Variants in PARD3 observed in about 807,000 individuals in gnomAD.
PARD3 encodes the protein par-3 family cell polarity regulator.
A neutral mutation model predicts 155.4 loss-of-function variants in PARD3; 75 were observed. The observed-to-expected ratio is 0.48, with a 90% CI of 0.40 to 0.58. The LOEUF is 0.58. Among genes scored for constraint, PARD3 ranks in the 20% least tolerant of loss-of-function variants. The pLI is 0.00. For missense variants in PARD3, 1,642 were observed against 1,721.7 expected (o/e 0.95, Z 0.82); for synonymous variants, 576 against 610.5 (o/e 0.94, Z 0.83).
At chr10:34,201,398 T>C (rs1951202517) in intron 22 of PARD3, among the ~76,000 whole-genome samples, 1 of 152,216 alleles carries the variant, frequency 6.6e-6, no homozygotes, top group South Asian at 2.1e-4. Flanking sequence ...CAGTATTTTA[T>C]AACAAACGCA....
chr10:34,764,738 T>C (rs1233936304), intron 1 of PARD3, among the ~76,000 whole-genome samples: 1 of 151,812 alleles, frequency 6.6e-6, no homozygotes, highest in Non-Finnish European at 1.5e-5. Flanking sequence ...GGAAAGAAAA[T>C]GAAGGCAAAA....
chr10:34,473,308 G>A (rs931399544), intron 3 of PARD3, among the ~76,000 whole-genome samples: 1 of 152,114 alleles, frequency 6.6e-6, no homozygotes, highest in Non-Finnish European at 1.5e-5. Context: ...CAGGTGCCAC[G>A]TTTACATTTA....
intron 24 of PARD3, among the ~76,000 whole-genome samples, chr10:34,113,771 C>A (rs370686708): frequency 1.3e-5 from 2 of 152,096 alleles, no homozygotes; most frequent in Admixed American, 6.5e-5. Context: ...TGACACTGGG[C>A]GAGTTCTGCT....
At chr10:34,415,852 A>G (rs1248118727) in intron 5 of PARD3, among the ~76,000 whole-genome samples, 1 of 152,188 alleles carries the variant, frequency 6.6e-6, no homozygotes, top group African/African-American at 2.4e-5. Flanking sequence ...TGTCTGGAGA[A>G]AGCAGTTTAT....
intron 5 of PARD3, among the ~76,000 whole-genome samples, chr10:34,413,140 T>TACACACAC (rs774389489): frequency 0.018 from 2,053 of 113,780 alleles, 46 homozygotes; most frequent in African/African-American, 0.055. Context: ...ACTTCAGATA[T>TACACACAC]ATATACACAC....
intron 21 of PARD3, among the ~76,000 whole-genome samples, chr10:34,279,281 A>C (rs1403878964): frequency 6.6e-6 from 1 of 151,668 alleles, no homozygotes; most frequent in African/African-American, 2.4e-5. Context: ...TTAGGATTAC[A>C]AAGTGTTAGG....
chr10:34,558,232 T>C (rs564616907), intron 2 of PARD3, among the ~76,000 whole-genome samples: 2 of 152,324 alleles, frequency 1.3e-5, no homozygotes, highest in African/African-American at 4.8e-5. Flanking sequence ...ACTACCGCTA[T>C]TTCAGAGGTT....
At chr10:34,437,448 C>T (rs2076244688) in intron 5 of PARD3, among the ~76,000 whole-genome samples, 1 of 152,106 alleles carries the variant, frequency 6.6e-6, no homozygotes, top group Admixed American at 6.6e-5. Context: ...GAGGAAAATA[C>T]TCCCCAAAAG....
At chr10:34,241,079 G>T (rs888289718) in intron 22 of PARD3, among the ~76,000 whole-genome samples, 1 of 152,152 alleles carries the variant, frequency 6.6e-6, no homozygotes, top group African/African-American at 2.4e-5. Flanking sequence ...AAAACACAGG[G>T]ATGAACAGGG....
At chr10:34,710,706 C>T (rs1245802780) in intron 1 of PARD3, among the ~76,000 whole-genome samples, 4 of 152,190 alleles carry the variant, frequency 2.6e-5, no homozygotes, top group Non-Finnish European at 5.9e-5. Flanking sequence ...GTTCTGTTCA[C>T]TGATAAACCC....
chr10:34,448,707 G>A (rs539533944), intron 5 of PARD3, among the ~76,000 whole-genome samples: 5 of 152,082 alleles, frequency 3.3e-5, no homozygotes, highest in South Asian at 4.2e-4. Context: ...CAGGGAGGAT[G>A]AGGTAAGAGA....
At chr10:34,660,329 G>A (rs2093289192) in intron 2 of PARD3, among the ~76,000 whole-genome samples, 1 of 152,004 alleles carries the variant, frequency 6.6e-6, no homozygotes, top group Admixed American at 6.6e-5. Context: ...CAGAAGTTTA[G>A]GTAACAACAA....
At chr10:34,299,406 T>C (rs904568385) in intron 20 of PARD3, among the ~76,000 whole-genome samples, 61 of 152,366 alleles carry the variant, frequency 4.0e-4, no homozygotes, top group African/African-American at 1.3e-3. Flanking sequence ...CTTTCTATTA[T>C]GTTGGCTGTT....
At chr10:34,375,722 T>C (rs1589358512) in intron 10 of PARD3, among the ~76,000 whole-genome samples, 1 of 152,186 alleles carries the variant, frequency 6.6e-6, no homozygotes, top group South Asian at 2.1e-4. Flanking sequence ...CTTTAAAAGG[T>C]ATTCTACATT....
intron 22 of PARD3, among the ~76,000 whole-genome samples, chr10:34,166,600 G>A (rs984401868): frequency 2.6e-5 from 4 of 151,558 alleles, no homozygotes; most frequent in Non-Finnish European, 4.4e-5. Context: ...CTTCACTCCA[G>A]CCTGGGTAAC....
In PARD3 at chr10:34,349,580, T is replaced by TAAAAAA; in HGVS notation, c.2068-1471_2068-1466dup. Among the ~76,000 whole-genome samples the TAAAAAA allele has an allele frequency of 2.1e-3, 92 of 44,704 alleles. 1 individual carries two copies. The highest frequency in any genetic ancestry group is 7.3e-3 in the African/African-American group (65 of 8,892). The allele number at this position is 44,704 out of a possible 152,430, so 29.3% of individuals were successfully genotyped here. On this transcript the variant is annotated intron_variant, in intron 14 of 24. Transcript: ENST00000374788. ...TAAATTCCAAGAGACTCTGGGAAAG[T>TAAAAAA]AAAAAAAAAAAAAAAAAAAAAAAAA...
chr10:34,398,085 A>G (rs895458412), intron 7 of PARD3, among the ~76,000 whole-genome samples: 1 of 152,236 alleles, frequency 6.6e-6, no homozygotes, highest in Admixed American at 6.5e-5. Context: ...CTCTATGAAT[A>G]TAACACCACT....
chr10:34,789,501 C>G (rs962454901), intron 1 of PARD3, among the ~76,000 whole-genome samples: 2 of 151,880 alleles, frequency 1.3e-5, no homozygotes, highest in African/African-American at 4.8e-5. Context: ...AGTTCAAGAT[C>G]AGCCTGGGCA....
intron 2 of PARD3, among the ~76,000 whole-genome samples, chr10:34,527,378 A>G (rs1054856483): frequency 1.3e-5 from 2 of 152,214 alleles, no homozygotes; most frequent in Non-Finnish European, 2.9e-5. Context: ...TTTGAACAAG[A>G]ACCTCAGCAA....
Sources: gnomAD v4.1 joint callset for allele counts (sites outside exome capture counted in the v4.1 genomes callset) on GRCh38, gnomAD v4.1.1 for gene constraint, MANE v1.5 for transcripts, NCBI Gene and HGNC (gene_info 2026-07-23, HGNC 2026-07-21) for gene names.